The following SLCO4A1 variants were observed in gnomAD, a reference collection of about 807,000 sequenced individuals.
SLCO4A1 encodes colon organic anion transporter.
In SLCO4A1, 51 loss-of-function variants were observed where a neutral mutation model predicts 64.6. The ratio of observed to expected loss-of-function variants is 0.79; its 90% CI spans 0.63 to 1.00. The LOEUF (loss-of-function observed/expected upper bound fraction) is 1.00. Ranked by LOEUF, SLCO4A1 falls within the 50% of genes least tolerant of loss-of-function variation. The pLI is 0.00. For synonymous variants in SLCO4A1, 471 were observed against 444.9 expected (o/e 1.06, Z -0.74); for missense variants, 919 against 980.5 (o/e 0.94, Z 0.84).
Position 62,685,464 on chromosome 20 carries a change from G to T in SLCO4A1, n.235G>T, listed in dbSNP as rs1001853152. On this transcript the variant is annotated non_coding_transcript_exon_variant, in exon 3 of 3. Coordinates refer to the SLCO4A1 transcript ENST00000466818. This position sits in a 1 kb window ranked among gnomAD's most constrained non-coding sequence, Gnocchi z 4.6. ...AGGAAGAAGAGAATGAATTTAGAAG[G>T]CTGTAAACCCCATCTGAGCCTTACA... is the stretch of plus-strand genomic sequence containing the variant. The T allele has an allele frequency of 8.1e-6, 8 of 984,716 alleles. No individual in the cohort carries two copies. Among genetic ancestry groups the T allele is most frequent in the Non-Finnish European group, 8.4e-6 (7 of 829,372 alleles). The allele number at this position is 984,716 out of a possible 1,614,324, so 61.0% of individuals were successfully genotyped here. A position where few individuals can be genotyped will look rare whatever the true frequency, so the allele number is the denominator to read the frequency against.
rs1488825328 is a variant in SLCO4A1 at position 62,657,130 on chromosome 20, T to C, written c.676T>C (p.Tyr226His). The C allele has an allele frequency of 1.3e-6, 2 of 1,572,614 alleles. No individual in the cohort carries two copies. Among genetic ancestry groups the C allele is most frequent in the Non-Finnish European group, 1.7e-6 (2 of 1,160,394 alleles). Residue 226 changes from tyrosine (Y) to histidine (H), a missense_variant, in exon 2 of 12, where the codon TAC becomes CAC. Transcript: ENST00000217159. ...GGACAGCACCTCGGGCCTGTCCCGC[T>C]ACCAGCTGGTCTTCATGCTGGGCCA... ...CADSTSGLSR[Y>H]QLVFMLGQFL...
intron 1 of SLCO4A1, among the ~76,000 whole-genome samples, chr20:62,656,112 G>A (rs570363585): frequency 6.0e-4 from 92 of 152,362 alleles, no homozygotes; most frequent in Non-Finnish European, 9.8e-4. Context: ...TCTAAAAAGG[G>A]CAGGAATTGA....
chr20:62,652,617 G>A lies in SLCO4A1; in HGVS notation c.-96-3742G>A, dbSNP rs74739089. Among the ~76,000 whole-genome samples, 1,015 of 152,346 alleles carry A rather than the reference G, an allele frequency of 6.7e-3. 7 individuals are homozygous for A. The highest frequency in any genetic ancestry group is 0.023 in the African/African-American group (946 of 41,574). On this transcript the variant is annotated intron_variant, in intron 1 of 11. Transcript: ENST00000217159. ...GTGGCTCTCTGCCCCTTGGGGAGGCGTGGAGCATTGCTCTTACAATATGAA... is the reference window on the plus strand; with the variant it reads ...GTGGCTCTCTGCCCCTTGGGGAGGCATGGAGCATTGCTCTTACAATATGAA...
In SLCO4A1 at chr20:62,671,740, C is replaced by G. The variant is rs770140854; in HGVS notation, c.2026-10C>G. ...TCCCCACGAGGTCCAGCGGGCTCCTCTCTCCCCAGGTGCTGGGCGTCCTCT... is the reference window on the plus strand; with the variant it reads ...TCCCCACGAGGTCCAGCGGGCTCCTGTCTCCCCAGGTGCTGGGCGTCCTCT... On this transcript the variant is annotated splice_polypyrimidine_tract_variant and intron_variant, in intron 11 of 11. Coordinates refer to ENST00000217159, the MANE Select transcript of SLCO4A1 (RefSeq NM_016354.4). The G allele has an allele frequency of 1.4e-5, 23 of 1,610,870 alleles. No individual in the cohort carries two copies. In the African/African-American group the frequency reaches 1.9e-4, roughly 13 times the overall value.
At chr20:62,676,647 G>A (rs913571183), downstream of SLCO4A1, among the ~76,000 whole-genome samples, 2 of 152,160 alleles carry the variant, frequency 1.3e-5, no homozygotes, top group South Asian at 2.1e-4. Flanking sequence ...AAAACGACAC[G>A]TCGTGGAGAA....
At chr20:62,687,053 GA>G (rs1485128397), downstream of SLCO4A1, among the ~76,000 whole-genome samples, 1 of 141,828 alleles carries the variant, frequency 7.1e-6, no homozygotes. Flanking sequence ...GGAGCAATGG[GA>G]AAGGGCACCC....
downstream of SLCO4A1, among the ~76,000 whole-genome samples, chr20:62,690,418 G>T (rs1467874445): frequency 6.6e-6 from 1 of 152,182 alleles, no homozygotes; most frequent in African/African-American, 2.4e-5. Flanking sequence ...GGAGCCCCGG[G>T]AATCCCAGCC....
rs1988019357 is a variant in SLCO4A1, at chr20:62,685,264, G to T, written n.212-177G>T. 6.8e-6 allele frequency among the ~76,000 whole-genome samples: 1 copy of T among 146,668 alleles called. No homozygotes were observed. Among genetic ancestry groups the T allele is most frequent in the African/African-American group, 2.5e-5 (1 of 39,750 alleles). On this transcript the variant is annotated intron_variant and non_coding_transcript_variant, in intron 2 of 2. Transcript: ENST00000466818. This position sits in a 1 kb window ranked among gnomAD's most constrained non-coding sequence, Gnocchi z 4.6. ...GGGGCAGGAGGAGGGGGGTGGTGGG[G>T]AGTGGGGGCTGGGTCGGGGCTGGGC... is the stretch of plus-strand genomic sequence containing the variant.
downstream of SLCO4A1, among the ~76,000 whole-genome samples, chr20:62,686,072 G>A (rs1396420727): frequency 2.0e-5 from 3 of 152,160 alleles, no homozygotes; most frequent in Admixed American, 6.5e-5. Context: ...GAGCCCCTGC[G>A]TCCATTCCTG....
At chr20:62,665,156 C>T (rs749426207) in intron 6 of SLCO4A1, 68 bp downstream of exon 6, 4 of 1,521,512 alleles carry the variant, frequency 2.6e-6, no homozygotes, top group East Asian at 2.3e-5. Context: ...TCTTCAAGGG[C>T]ATCTTCTAGA....
chr20:62,682,696 G>A (rs551138989), intron 2 of SLCO4A1, among the ~76,000 whole-genome samples: 310 of 152,108 alleles, frequency 2.0e-3, no homozygotes, highest in Non-Finnish European at 3.3e-3. Context: ...GCAGTGTCCC[G>A]GTGAATGGGG....
chr20:62,690,572 A>G (rs371298296), downstream of SLCO4A1, among the ~76,000 whole-genome samples: 267 of 152,330 alleles, frequency 1.8e-3, 1 homozygote, highest in African/African-American at 5.4e-3. Flanking sequence ...AAGGAAATTA[A>G]CATTTCCATA....
intron 2 of SLCO4A1, 86 bp from the exon 3 acceptor site, chr20:62,658,591 G>A: frequency 1.9e-6 from 2 of 1,055,082 alleles, no homozygotes; most frequent in Non-Finnish European, 2.8e-6. Context: ...CGGGTGCGGG[G>A]CTTCTCCCAG....
Position 62,658,658 on chromosome 20 carries a change from G to C in SLCO4A1, c.797-19G>C. 2 of 1,600,420 alleles carry C rather than the reference G, an allele frequency of 1.2e-6. No individual in the cohort carries two copies. The highest frequency in any genetic ancestry group is 8.5e-7 in the Non-Finnish European group (1 of 1,173,330). ...CTGGGTGGTGCACAGCGGCCCTGAC[G>C]CCTCTGCCTCTCTCGCAGCCATCTT... On this transcript the variant is annotated intron_variant, in intron 2 of 11. Transcript: ENST00000217159.
Position 62,671,999 on chromosome 20 carries a change from A to G in SLCO4A1, c.*106A>G, listed in dbSNP as rs543201833. 460 of 1,593,172 alleles carry G rather than the reference A, an allele frequency of 2.9e-4. 5 individuals are homozygous for G. The South Asian group carries it at 4.7e-3, about 16-fold the overall frequency. On this transcript the variant is annotated 3_prime_UTR_variant, in exon 12 of 12. Transcript: ENST00000217159. The stretch of plus-strand genomic sequence containing the variant: ...CACGGGAACTTCTATTTGACCTGCA[A>G]CCTTCTACTTAACCTGTGGTTTAAA...
At position 62,661,601 on chromosome 20, in the gene SLCO4A1, C is replaced by CT. The variant is rs1178142924; in HGVS notation, c.1121+427dup. On this transcript the variant is annotated intron_variant, in intron 5 of 11. Coordinates refer to ENST00000217159, the MANE Select transcript of SLCO4A1 (RefSeq NM_016354.4). The surrounding 1 kb of genome is among the most constrained non-coding windows in gnomAD (Gnocchi z 5.2). ...TTCCCTCACCATGACCCCCCACACTCTAATTCCCTTTCATCAGGTGTCACC... is the reference window on the plus strand; with the variant it reads ...TTCCCTCACCATGACCCCCCACACTCTTAATTCCCTTTCATCAGGTGTCACC... 6.7e-6 allele frequency among the ~76,000 whole-genome samples: 1 copy of CT among 150,080 alleles called. No individual in the cohort carries two copies. The highest frequency in any genetic ancestry group is 2.4e-5 in the African/African-American group (1 of 40,882).
chr20:62,662,024 A>C (rs1008161469), intron 5 of SLCO4A1, among the ~76,000 whole-genome samples: 4 of 152,088 alleles, frequency 2.6e-5, no homozygotes, highest in African/African-American at 4.8e-5. Flanking sequence ...CCCTTGTAGC[A>C]GCAGGTCCCT....
rs759275133 is a variant in SLCO4A1, at chr20:62,661,031, C to CCCCCAGCCCCCAG, written c.1010-23_1010-22insCAGCCCCAGCCCC. On this transcript the variant is annotated intron_variant, in intron 4 of 11. Transcript: ENST00000217159. This position sits in a 1 kb window ranked among gnomAD's most constrained non-coding sequence, Gnocchi z 5.2. ...GAAGTCCACCTCCGGGAGCCCCCAGCCCCCAGCCCCAGCTCACTCTGTGCC... is the reference window on the plus strand; with the variant it reads ...GAAGTCCACCTCCGGGAGCCCCCAGCCCCCAGCCCCCAGCCCCAGCCCCAGCTCACTCTGTGCC... The CCCCCAGCCCCCAG allele has an allele frequency of 1.8e-5, 17 of 944,494 alleles. No individual in the cohort carries two copies. The highest frequency in any genetic ancestry group is 2.9e-5 in the Non-Finnish European group (17 of 576,396). The allele number at this position is 944,494 out of a possible 1,614,324, so 58.5% of individuals were successfully genotyped here. A position where few individuals can be genotyped will look rare whatever the true frequency, so the allele number is the denominator to read the frequency against.
chr20:62,643,088 GT>G, intron 1 of SLCO4A1: 1 of 467,644 alleles, frequency 2.1e-6, no homozygotes, highest in Non-Finnish European at 4.4e-6. Context: ...GCCGGGCTTT[GT>G]TCGCGCCAGA....
Sources: allele counts gnomAD v4.1 joint callset (sites outside exome capture counted in the v4.1 genomes callset), GRCh38; gene constraint gnomAD v4.1.1; non-coding constraint Gnocchi (gnomAD v3.1); transcripts MANE v1.5; gene names NCBI Gene and HGNC (gene_info 2026-07-23, HGNC 2026-07-21).